Variants in TBX5 observed in about 807,000 individuals in gnomAD.
TBX5 encodes the protein T-box transcription factor 5, also known as T-box transcription factor TBX5.
TBX5 carries 8 observed loss-of-function variants against 51.1 expected under a neutral mutation model. The ratio of observed to expected loss-of-function variants is 0.16; its 90% confidence interval spans 0.09 to 0.28. TBX5 has a LOEUF of 0.28. Among genes scored for constraint, TBX5 ranks in the 10% least tolerant of loss-of-function variants. TBX5 has a pLI of 1.00. For missense variants in TBX5, 589 were observed against 671.7 expected, an observed-to-expected ratio of 0.88 and a Z score of 1.36; for synonymous variants, 302 against 266.4, an observed-to-expected ratio of 1.13 and a Z score of -1.30.
chr12:114,367,727 G>C (rs1331995836), intron 7 of TBX5, among the ~76,000 whole-genome samples: 1 of 152,186 alleles, frequency 6.6e-6, no homozygotes, highest in African/African-American at 2.4e-5. Flanking sequence ...AAGTATGTGA[G>C]AGAAGAAGAG....
chr12:114,381,561 G>A (rs923069216), intron 7 of TBX5, among the ~76,000 whole-genome samples: 1 of 152,162 alleles, frequency 6.6e-6, no homozygotes, highest in Non-Finnish European at 1.5e-5. Context: ...TAGGAATCAA[G>A]CACTCTATAG....
intron 8 of TBX5, among the ~76,000 whole-genome samples, chr12:114,365,789 C>G (rs1400807872): frequency 6.9e-6 from 1 of 144,514 alleles, no homozygotes; most frequent in Non-Finnish European, 1.5e-5. Flanking sequence ...ATGACTACAC[C>G]ACTGCACTCC....
At position 114,368,738 on chromosome 12, in the gene TBX5, C is replaced by T. The variant is rs193188394; in HGVS notation, c.756-2347G>A. 3.9e-5 allele frequency among the ~76,000 whole-genome samples: 6 copies of T among 152,318 alleles called. No homozygotes were observed. The East Asian group carries it at 9.7e-4, about 25-fold the overall frequency. On this transcript the variant is annotated intron_variant, in intron 7 of 8. Coordinates refer to ENST00000405440, the MANE Select transcript of TBX5 (RefSeq NM_181486.4). ...CCTCAAGTGTGTGAACATCTCCACC[C>T]TATGTCCCTGCCTTTGTTTGTCATG...
intron 6 of TBX5, among the ~76,000 whole-genome samples, chr12:114,389,954 CA>C (rs1199297905): frequency 6.6e-6 from 1 of 151,636 alleles, no homozygotes; most frequent in African/African-American, 2.4e-5. Context: ...GAACTCAGAA[CA>C]AAAAATTGCC....
At chr12:114,381,788 G>A (rs1195573515) in intron 7 of TBX5, among the ~76,000 whole-genome samples, 2 of 152,092 alleles carry the variant, frequency 1.3e-5, no homozygotes, top group African/African-American at 4.8e-5. Flanking sequence ...CTTCCCCAAG[G>A]ACATGTCCAG....
In TBX5 at chr12:114,399,581, C is replaced by A. The variant is rs769736865; in HGVS notation, c.294G>T (p.Thr98=). Residue 98 remains threonine (T), a synonymous_variant, in exon 4 of 9, where the codon ACG becomes ACT. Transcript: ENST00000405440. Reference sequence around the variant, plus strand: ...CAATGTCCATGAGAAGAATGTACTTCGTTTTGGGATTAAGGCCCGTCACCT... The same window carrying A: ...CAATGTCCATGAGAAGAATGTACTTAGTTTTGGGATTAAGGCCCGTCACCT... ...KVKVTGLNPK[T]KYILLMDIVP... 1 of 1,614,004 alleles carries A rather than the reference C, an allele frequency of 6.2e-7. No homozygotes were observed. The highest frequency in any genetic ancestry group is 1.7e-5 in the Admixed American group (1 of 59,996).
In TBX5 at chr12:114,377,718, G is replaced by A. The variant is rs77641246; in HGVS notation, c.755+7758C>T. 8.0e-3 allele frequency among the ~76,000 whole-genome samples: 1,211 copies of A among 151,718 alleles called. 18 individuals carry two copies. Among genetic ancestry groups the A allele is most frequent in the South Asian group, 0.031 (150 of 4,786 alleles). On this transcript the variant is annotated intron_variant, in intron 7 of 8. Coordinates refer to ENST00000405440, the MANE Select transcript of TBX5 (RefSeq NM_181486.4). ...ACACACATGAGCCACCACACCTAGC[G>A]ACTTTTTTTCTCTATTCATATATTG...
chr12:114,394,949 A>G lies in TBX5; in HGVS notation c.511-56T>C, dbSNP rs185924249. The G allele has an allele frequency of 3.3e-3, 5,139 of 1,578,616 alleles. 19 individuals carry two copies. The highest frequency in any genetic ancestry group is 4.0e-3 in the Non-Finnish European group (4,609 of 1,152,426). ...GAAAATCAAAACTCCCTTTGTCTCC[A>G]GATAAAACCCTGCTCCCCGCCCTCT... is the stretch of plus-strand genomic sequence containing the variant. On this transcript the variant is annotated intron_variant, in intron 5 of 8. Transcript: ENST00000405440.
chr12:114,398,507 C>T, intron 5 of TBX5, 66 bp downstream of exon 5: 1 of 1,576,682 alleles, frequency 6.3e-7, no homozygotes, highest in Non-Finnish European at 8.6e-7. Flanking sequence ...GGAGAGAAAC[C>T]CAGTGAGAAG....
intron 3 of TBX5, among the ~76,000 whole-genome samples, chr12:114,400,047 G>A (rs1871710603): frequency 6.6e-6 from 1 of 152,212 alleles, no homozygotes; most frequent in African/African-American, 2.4e-5. Flanking sequence ...GTCTAGCCAG[G>A]TGCTTCCGCC....
chr12:114,374,086 C>A (rs1418231006), intron 7 of TBX5, among the ~76,000 whole-genome samples: 1 of 152,220 alleles, frequency 6.6e-6, no homozygotes, highest in Non-Finnish European at 1.5e-5. Flanking sequence ...CAAGGACTTC[C>A]TGGTGACCTT....
intron 6 of TBX5, 81 bp from the exon 7 acceptor site, chr12:114,385,648 A>G: frequency 8.3e-7 from 1 of 1,206,662 alleles, no homozygotes; most frequent in East Asian, 2.3e-5. Context: ...CTAATAATAA[A>G]TATCATGGAA....
rs866738172 is a variant in TBX5, at chr12:114,398,801, G to A, written c.363-81C>T. The A allele has an allele frequency of 5.9e-6, 9 of 1,519,730 alleles. No individual in the cohort carries two copies. In the South Asian group the frequency reaches 8.4e-5, roughly 14 times the overall value. 94.1% of individuals were successfully genotyped at this position (1,519,730 alleles called of 1,614,324 possible). On this transcript the variant is annotated intron_variant, in intron 4 of 8. Transcript: ENST00000405440. ...TGCACCGAAGCGTGCTTCAGTTCAC[G>A]CACCAGGTGAGGGTTGTTGAGTAGT... is the stretch of plus-strand genomic sequence containing the variant.
intron 2 of TBX5, among the ~76,000 whole-genome samples, chr12:114,402,266 CCAAA>C (rs922558703): frequency 4.0e-5 from 6 of 151,836 alleles, no homozygotes; most frequent in South Asian, 2.1e-4. Context: ...AAAAAACCAA[CCAAA>C]CAAACAAACC....
chr12:114,404,058 G>T, intron 1 of TBX5, 122 bp from the exon 2 acceptor site: 1 of 1,010,230 alleles, frequency 9.9e-7, no homozygotes. Context: ...CCAGCTACCA[G>T]CACCTCCGTT....
chr12:114,393,184 A>G (rs116600901), intron 6 of TBX5, among the ~76,000 whole-genome samples: 3,844 of 152,200 alleles, frequency 0.025, 61 homozygotes, highest in Non-Finnish European at 0.03. Flanking sequence ...CCTTCCTCTC[A>G]TCCTTCTCCG....
chr12:114,381,638 T>G (rs923715695), intron 7 of TBX5, among the ~76,000 whole-genome samples: 3 of 152,330 alleles, frequency 2.0e-5, no homozygotes, highest in Non-Finnish European at 4.4e-5. Flanking sequence ...ATGCCCCTCC[T>G]GCAGATGAGA....
Position 114,355,183 on chromosome 12 carries a change from A to G in TBX5, c.*349T>C, listed in dbSNP as rs2136358535. On this transcript the variant is annotated 3_prime_UTR_variant, in exon 9 of 9. Coordinates refer to ENST00000405440, the MANE Select transcript of TBX5 (RefSeq NM_181486.4). ...ACTACGCACTAGGGAAAAACACTCA[A>G]TGAGGCAAGACTTTCTAGAGCCCAA... 4 of 383,162 alleles carry G rather than the reference A, an allele frequency of 1.0e-5. No homozygotes were observed. Among genetic ancestry groups the G allele is most frequent in the South Asian group, 8.6e-5 (4 of 46,760 alleles). The allele number at this position is 383,162 out of a possible 1,614,324, so 23.7% of individuals were successfully genotyped here. A position where few individuals can be genotyped will look rare whatever the true frequency, so the allele number is the denominator to read the frequency against.
intron 7 of TBX5, among the ~76,000 whole-genome samples, chr12:114,376,996 A>T (rs904225341): frequency 6.6e-6 from 1 of 152,114 alleles, no homozygotes; most frequent in African/African-American, 2.4e-5. Flanking sequence ...ACCCAAGATG[A>T]GATCCTTTCA....
Sources: allele counts gnomAD v4.1 joint callset (sites outside exome capture counted in the v4.1 genomes callset), GRCh38; gene constraint gnomAD v4.1.1; transcripts MANE v1.5; gene names NCBI Gene and HGNC (gene_info 2026-07-23, HGNC 2026-07-21).